Variants in ARID4B observed in about 807,000 individuals in gnomAD.
The protein encoded by ARID4B is AT-rich interactive domain-containing protein 4B.
Under a neutral mutation model 147.5 loss-of-function variants are expected in ARID4B, and 26 were observed. The observed-to-expected ratio is 0.18, with a 90% CI of 0.13 to 0.24. The LOEUF is 0.24. ARID4B is among the 10% of genes least tolerant of loss of function. The probability of loss-of-function intolerance (pLI) is 1.00; values close to 1 mark genes in which losing one functional copy is unlikely to be tolerated. For missense variants in ARID4B, 1,179 were observed against 1,511.5 expected (o/e 0.78, Z 3.65); for synonymous variants, 512 against 507.9 (o/e 1.01, Z -0.11).
At chr1:235,289,046 C>T (rs1672162036) in intron 2 of ARID4B, among the ~76,000 whole-genome samples, 1 of 152,172 alleles carries the variant, frequency 6.6e-6, no homozygotes, top group African/African-American at 2.4e-5. Context: ...ACAACCCTGG[C>T]CCCAGGAATA....
chr1:235,177,038 A>G, intron 21 of ARID4B: 1 of 432,948 alleles, frequency 2.3e-6, no homozygotes, highest in South Asian at 1.7e-5. Context: ...CTAAAGTTGG[A>G]GCATACTTAG....
In ARID4B at chr1:235,223,570, G is replaced by T. The variant is rs1034915370; in HGVS notation, c.971-310C>A. On this transcript the variant is annotated intron_variant, in intron 12 of 23. Coordinates refer to ENST00000264183, the MANE Select transcript of ARID4B (RefSeq NM_016374.6). The stretch of plus-strand genomic sequence containing the variant: ...ATTTTCATTCTACTTTCTTCCCTCT[G>T]CTGAGGGAAGAAATACTAGATAACT... Among the ~76,000 whole-genome samples, 10 of 149,584 alleles carry T rather than the reference G, an allele frequency of 6.7e-5. No individual in the cohort carries two copies. The East Asian group carries it at 2.0e-3, about 29-fold the overall frequency.
At position 235,182,214 on chromosome 1, in the gene ARID4B, G is replaced by T; in HGVS notation, c.2705C>A (p.Ala902Glu). ...TGFYSGFSEV[A>E]EKRIKLLNNS... ...ATTTAAAAGTTTAATCCTTTTTTCT[G>T]CCACTTCTGAAAATCCTGAATAGAA... The change falls in exon 20 of 24, where the codon GCA becomes GAA. Residue 902 changes from alanine to glutamate, a missense_variant. Ala to Glu is a moderately radical substitution (Grantham distance 107). Transcript: ENST00000264183. 1 of 1,612,832 alleles carries T rather than the reference G, an allele frequency of 6.2e-7. No homozygotes were observed. Among genetic ancestry groups the T allele is most frequent in the Non-Finnish European group, 8.5e-7 (1 of 1,179,744 alleles).
At chr1:235,292,315 T>C (rs192964217) in intron 2 of ARID4B, among the ~76,000 whole-genome samples, 15 of 152,288 alleles carry the variant, frequency 9.8e-5, no homozygotes, top group Non-Finnish European at 1.9e-4. Context: ...TAAAGGCTCT[T>C]AGAAATTCCA....
intron 8 of ARID4B, among the ~76,000 whole-genome samples, chr1:235,240,002 G>T (rs1668882593): frequency 6.6e-6 from 1 of 152,056 alleles, no homozygotes; most frequent in Non-Finnish European, 1.5e-5. Flanking sequence ...AGATTCTGTT[G>T]TTCTTTTGCA....
chr1:235,260,549 T>G (rs149153463), intron 3 of ARID4B, 93 bp downstream of exon 3: 1 of 901,690 alleles, frequency 1.1e-6, no homozygotes, highest in Admixed American at 3.3e-5. Context: ...CCTAGAAACT[T>G]ATTTTGCAGA....
intron 23 of ARID4B, among the ~76,000 whole-genome samples, chr1:235,172,119 T>C (rs1341040780): frequency 6.6e-6 from 1 of 152,220 alleles, no homozygotes; most frequent in Non-Finnish European, 1.5e-5. Context: ...GTATAAACTC[T>C]ATGAAAGTGA....
intron 2 of ARID4B, among the ~76,000 whole-genome samples, chr1:235,290,859 G>C (rs915359834): frequency 2.0e-5 from 3 of 152,238 alleles, no homozygotes; most frequent in Admixed American, 6.5e-5. Flanking sequence ...AGCTTCAGGA[G>C]GCCAAGTGGC....
intron 2 of ARID4B, among the ~76,000 whole-genome samples, chr1:235,299,693 A>G (rs1031076021): frequency 3.3e-5 from 5 of 152,340 alleles, no homozygotes; most frequent in African/African-American, 1.2e-4. Flanking sequence ...AAAGCGGAGC[A>G]GTTCTCTGGA....
intron 2 of ARID4B, among the ~76,000 whole-genome samples, chr1:235,314,905 G>T (rs1460304732): frequency 6.6e-6 from 1 of 152,068 alleles, no homozygotes; most frequent in African/African-American, 2.4e-5. Flanking sequence ...TGCTATTGAA[G>T]TGCATTGTTA....
chr1:235,234,233 C>T (rs1175680257), intron 9 of ARID4B, among the ~76,000 whole-genome samples, 180 bp downstream of exon 9: 6 of 152,132 alleles, frequency 3.9e-5, no homozygotes, highest in Non-Finnish European at 8.8e-5. Flanking sequence ...GAAAAACATA[C>T]TATAAGACTA....
At chr1:235,220,130 G>C (rs1667355343) in intron 15 of ARID4B, among the ~76,000 whole-genome samples, 162 bp from the exon 16 acceptor site, 1 of 151,892 alleles carries the variant, frequency 6.6e-6, no homozygotes, top group African/African-American at 2.4e-5. Flanking sequence ...GACAAAAATA[G>C]CTAACAGCTA....
intron 20 of ARID4B, among the ~76,000 whole-genome samples, chr1:235,179,703 CCTCTTTTT>C (rs1664155898): frequency 6.8e-6 from 1 of 146,226 alleles, no homozygotes; most frequent in African/African-American, 2.6e-5. Context: ...GAGAAGATAT[CCTCTTTTT>C]TTTTGTTGTT....
chr1:235,273,867 G>A (rs151252817), intron 2 of ARID4B, among the ~76,000 whole-genome samples: 2 of 152,254 alleles, frequency 1.3e-5, no homozygotes, highest in Admixed American at 1.3e-4. Flanking sequence ...ATGTAAACTA[G>A]TACAAAACCT....
chr1:235,202,413 T>G (rs1313511062), intron 17 of ARID4B, among the ~76,000 whole-genome samples: 2 of 151,616 alleles, frequency 1.3e-5, no homozygotes, highest in Non-Finnish European at 2.9e-5. Context: ...TATATATGAC[T>G]TGTCTGATAA....
At chr1:235,227,171 G>GC (rs1208077791) in intron 11 of ARID4B, among the ~76,000 whole-genome samples, 17 of 152,294 alleles carry the variant, frequency 1.1e-4, no homozygotes, top group African/African-American at 3.6e-4. Flanking sequence ...GTGAGTAGCA[G>GC]CAACATATGT....
intron 6 of ARID4B, among the ~76,000 whole-genome samples, chr1:235,248,215 C>T (rs964086827): frequency 6.6e-6 from 1 of 152,006 alleles, no homozygotes; most frequent in African/African-American, 2.4e-5. Flanking sequence ...TCACACCCAG[C>T]TAATTTTTGT....
In ARID4B at chr1:235,246,519, T is replaced by A. The variant is rs751826863; in HGVS notation, c.355-8A>T. ...TGGGAGCTGGTCTAATGTCTGTGGG[T>A]AAGAACATAAACCCATCAAAAAATT... On this transcript the variant is annotated splice_polypyrimidine_tract_variant and splice_region_variant and intron_variant, in intron 6 of 23. Coordinates refer to ENST00000264183, the MANE Select transcript of ARID4B (RefSeq NM_016374.6). 6.2e-7 allele frequency: 1 copy of A among 1,605,608 alleles called. No individual in the cohort carries two copies. The highest frequency in any genetic ancestry group is 8.5e-7 in the Non-Finnish European group (1 of 1,172,474).
In ARID4B at chr1:235,194,052, T is replaced by G; in HGVS notation, c.2086A>C (p.Lys696Gln). 2 of 1,612,044 alleles carry G rather than the reference T, an allele frequency of 1.2e-6. No homozygotes were observed. The highest frequency in any genetic ancestry group is 8.5e-7 in the Non-Finnish European group (1 of 1,178,220). ...AGGATCGAAGTAATTTCTATGGACT[T>G]AATATGAGCAGTATCAGAGTTTTTG... ...DAKNSDTAHIKSIEITSILNG... is the reference protein window; with the variant it reads ...DAKNSDTAHIQSIEITSILNG... Residue 696 changes from lysine to glutamine, a missense_variant, in exon 19 of 24, where the codon AAG becomes CAG. Physicochemically the swap from Lys to Gln is moderately conservative, Grantham distance 53. Transcript: ENST00000264183.
Sources: gnomAD v4.1 joint callset for allele counts (sites outside exome capture counted in the v4.1 genomes callset) on GRCh38, gnomAD v4.1.1 for gene constraint, MANE v1.5 for transcripts, NCBI Gene and HGNC (gene_info 2026-07-23, HGNC 2026-07-21) for gene names.